The following PAPPA2 variants were observed in gnomAD, a reference collection of about 807,000 sequenced individuals.
The protein encoded by PAPPA2 is pappalysin 2.
A neutral mutation model predicts 176.4 loss-of-function variants in PAPPA2; 86 were observed. The ratio of observed to expected loss-of-function variants is 0.49; its 90% CI spans 0.41 to 0.58. The LOEUF is 0.58. Ranked by LOEUF, PAPPA2 falls within the 20% of genes least tolerant of loss-of-function variation. PAPPA2 has a pLI of 0.00. For missense variants in PAPPA2, 2,073 were observed against 2,256.9 expected, an observed-to-expected ratio of 0.92 and a Z score of 1.65; for synonymous variants, 809 against 852.2, an observed-to-expected ratio of 0.95 and a Z score of 0.88.
intron 12 of PAPPA2, among the ~76,000 whole-genome samples, chr1:176,735,540 C>G (rs1352530749): frequency 6.6e-6 from 1 of 152,018 alleles, no homozygotes; most frequent in Non-Finnish European, 1.5e-5. Context: ...TTCTTAAGCC[C>G]AAACAGTTCT....
intron 3 of PAPPA2, among the ~76,000 whole-genome samples, chr1:176,614,134 G>C (rs1035521132): frequency 2.0e-5 from 3 of 152,206 alleles, no homozygotes; most frequent in African/African-American, 7.2e-5. Flanking sequence ...ACCCAACCCA[G>C]AAGCGGGGCT....
At chr1:176,747,022 A>C (rs1662942298) in intron 14 of PAPPA2, among the ~76,000 whole-genome samples, 1 of 152,190 alleles carries the variant, frequency 6.6e-6, no homozygotes, top group African/African-American at 2.4e-5. Flanking sequence ...CAAGGGCACA[A>C]ATTTACTTTA....
chr1:176,622,477 G>A (rs1277386516), intron 3 of PAPPA2, among the ~76,000 whole-genome samples: 1 of 152,212 alleles, frequency 6.6e-6, no homozygotes, highest in Non-Finnish European at 1.5e-5. Flanking sequence ...GAGGTCAAGA[G>A]TGATCTCTAA....
At chr1:176,554,998 TGTGA>T (rs754210289) in intron 1 of PAPPA2, among the ~76,000 whole-genome samples, 1,074 of 103,854 alleles carry the variant, frequency 0.01, 9 homozygotes, top group East Asian at 0.058. Flanking sequence ...TGTGTGTGTG[TGTGA>T]GAGAGAGAGA....
chr1:176,816,335 C>T (rs1395211652), intron 21 of PAPPA2, among the ~76,000 whole-genome samples: 3 of 147,592 alleles, frequency 2.0e-5, no homozygotes, highest in Non-Finnish European at 4.5e-5. Context: ...CTCCTGATTT[C>T]CTAATACAAT....
chr1:176,821,118 C>CCATTTAT (rs1449546046), intron 21 of PAPPA2, among the ~76,000 whole-genome samples: 2 of 152,152 alleles, frequency 1.3e-5, no homozygotes, highest in Non-Finnish European at 2.9e-5. Flanking sequence ...TGCTTCAGGT[C>CCATTTAT]CATTTATGTA....
chr1:176,768,221 C>G (rs950954571), intron 15 of PAPPA2, among the ~76,000 whole-genome samples: 8 of 151,916 alleles, frequency 5.3e-5, no homozygotes, highest in Admixed American at 2.0e-4. Flanking sequence ...CCACCCTAGA[C>G]ACCTTCTTCT....
chr1:176,628,678 G>A (rs755563878), intron 3 of PAPPA2, among the ~76,000 whole-genome samples: 2 of 152,140 alleles, frequency 1.3e-5, no homozygotes, highest in African/African-American at 2.4e-5. Flanking sequence ...CAAAGTAGAG[G>A]TAGATATGAT....
At position 176,754,017 on chromosome 1, in the gene PAPPA2, G is replaced by GTT. The variant is rs143392724; in HGVS notation, c.4152-11634_4152-11633dup. Reference sequence around the variant, plus strand: ...GTGAGCTATTTGAGCCTTTTCAACTGTTTTTTTTTTTTTTTTCTTTCAACT... The same window carrying GTT: ...GTGAGCTATTTGAGCCTTTTCAACTGTTTTTTTTTTTTTTTTTTCTTTCAACT... On this transcript the variant is annotated intron_variant, in intron 14 of 22. Transcript: ENST00000367662. Among the ~76,000 whole-genome samples, 474 of 136,654 alleles carry GTT rather than the reference G, an allele frequency of 3.5e-3. 1 individual carries two copies. The highest frequency in any genetic ancestry group is 5.0e-3 in the Non-Finnish European group (318 of 63,364). The allele number at this position is 136,654 out of a possible 152,430, so 89.7% of individuals were successfully genotyped here.
At chr1:176,757,156 G>A (rs1053905644) in intron 14 of PAPPA2, among the ~76,000 whole-genome samples, 6 of 152,140 alleles carry the variant, frequency 3.9e-5, no homozygotes, top group African/African-American at 7.2e-5. Flanking sequence ...GAATAGTGCC[G>A]CAATAAACAT....
chr1:176,792,754 A>C (rs1432962008), intron 19 of PAPPA2, among the ~76,000 whole-genome samples: 2 of 152,158 alleles, frequency 1.3e-5, no homozygotes. Flanking sequence ...GAGTCACTGA[A>C]AAACATAGAA....
At chr1:176,774,688 G>A (rs1240387849) in intron 17 of PAPPA2, among the ~76,000 whole-genome samples, 1 of 152,016 alleles carries the variant, frequency 6.6e-6, no homozygotes, top group Non-Finnish European at 1.5e-5. Flanking sequence ...AGCAAAAATG[G>A]CCTTCAAAAA....
chr1:176,627,591 T>C (rs1656103452), intron 3 of PAPPA2, among the ~76,000 whole-genome samples: 1 of 152,248 alleles, frequency 6.6e-6, no homozygotes, highest in Non-Finnish European at 1.5e-5. Context: ...AAAGGTGTTA[T>C]TTTCATTATT....
intron 4 of PAPPA2, among the ~76,000 whole-genome samples, chr1:176,682,255 C>G (rs1659620168): frequency 6.6e-6 from 1 of 152,040 alleles, no homozygotes; most frequent in Non-Finnish European, 1.5e-5. Flanking sequence ...GTAGAGGAAC[C>G]CACAGAAGGT....
At chr1:176,631,770 G>T (rs1441866409) in intron 3 of PAPPA2, among the ~76,000 whole-genome samples, 1 of 152,150 alleles carries the variant, frequency 6.6e-6, no homozygotes, top group African/African-American at 2.4e-5. Context: ...AACTTTGGCT[G>T]AGAAAGGAAT....
chr1:176,582,211 G>A (rs1653029576), intron 2 of PAPPA2, among the ~76,000 whole-genome samples: 1 of 152,124 alleles, frequency 6.6e-6, no homozygotes, highest in Admixed American at 6.5e-5. Context: ...GCAGGCATGA[G>A]CCACCGCGCC....
rs752769214 is a variant in PAPPA2, at chr1:176,793,570, T to A, written c.5031T>A (p.Cys1677Ter). 6.2e-7 allele frequency: 1 copy of A among 1,610,206 alleles called. No homozygotes were observed. Among genetic ancestry groups the A allele is most frequent in the Non-Finnish European group, 8.5e-7 (1 of 1,176,910 alleles). Residue 1677 changes from cysteine to a stop codon, truncating the protein, a stop_gained, in exon 20 of 23, where the codon TGT (cysteine) becomes TGA (stop). Coordinates refer to ENST00000367662, the MANE Select transcript of PAPPA2 (RefSeq NM_020318.3). LOFTEE classifies it high-confidence loss of function. ...CEQGYGIGAVCSPLCVIPPSD... is the reference protein window; with the variant it reads ...CEQGYGIGAV ...CTTCTGTTCTTTCAGGTGCAGTGTG[T>A]TCCCCATTGTGTGTAATCCCCCCCA...
At chr1:176,766,742 A>C (rs1343177690) in intron 15 of PAPPA2, among the ~76,000 whole-genome samples, 1 of 152,218 alleles carries the variant, frequency 6.6e-6, no homozygotes, top group East Asian at 1.9e-4. Flanking sequence ...GAGAAATTTT[A>C]AACATAAAAT....
intron 1 of PAPPA2, among the ~76,000 whole-genome samples, chr1:176,541,537 T>C (rs1348365715): frequency 6.6e-6 from 1 of 152,184 alleles, no homozygotes; most frequent in Non-Finnish European, 1.5e-5. Context: ...CCAGGGATCA[T>C]AGATATTCCT....
Sources: allele counts gnomAD v4.1 joint callset (sites outside exome capture counted in the v4.1 genomes callset), GRCh38; gene constraint gnomAD v4.1.1; transcripts MANE v1.5; gene names NCBI Gene and HGNC (gene_info 2026-07-23, HGNC 2026-07-21).